The following CPEB3 variants were observed in gnomAD, a reference collection of about 807,000 sequenced individuals.
CPEB3 encodes cytoplasmic polyadenylation element binding protein 3, also known as cytoplasmic polyadenylation element-binding protein 3.
CPEB3 carries 20 observed loss-of-function variants against 67.2 expected under a neutral mutation model. That is an observed-to-expected ratio of 0.30 (90% CI 0.21 to 0.43). The LOEUF is 0.43. Ranked by LOEUF, CPEB3 falls within the 20% of genes least tolerant of loss-of-function variation. CPEB3 has a pLI of 1.00. For synonymous variants in CPEB3, 376 were observed against 393.1 expected (o/e 0.96, Z 0.51); for missense variants, 746 against 968.6 (o/e 0.77, Z 3.05).
intron 5 of CPEB3, 67 bp downstream of exon 5, chr10:92,144,878 G>A (rs61875205): frequency 7.0e-7 from 1 of 1,432,542 alleles, no homozygotes; most frequent in Non-Finnish European, 9.7e-7. Context: ...TTGGAGAGGA[G>A]AGGCAGGGTC....
At chr10:92,189,242 T>C (rs1848842490) in intron 3 of CPEB3, among the ~76,000 whole-genome samples, 1 of 152,194 alleles carries the variant, frequency 6.6e-6, no homozygotes, top group African/African-American at 2.4e-5. Context: ...CTCCTTTAAG[T>C]GGCTTTGAAA....
chr10:92,149,871 A>G (rs1846878091), intron 4 of CPEB3, among the ~76,000 whole-genome samples: 1 of 152,248 alleles, frequency 6.6e-6, no homozygotes, highest in Non-Finnish European at 1.5e-5. Context: ...CTCAAGTTTA[A>G]GAATCACTGA....
At chr10:92,216,517 C>G in intron 2 of CPEB3, 1 of 1,612,778 alleles carries the variant, frequency 6.2e-7, no homozygotes, top group Non-Finnish European at 8.5e-7. Flanking sequence ...AGATTCGGCG[C>G]GGGGTGAAAG....
At chr10:92,075,203 G>T (rs1405580854) in intron 9 of CPEB3, among the ~76,000 whole-genome samples, 4 of 152,096 alleles carry the variant, frequency 2.6e-5, no homozygotes, top group Admixed American at 1.3e-4. Flanking sequence ...GTAATAGCAG[G>T]GTTCAGAAGT....
At chr10:92,053,763 G>T (rs556795663) in intron 9 of CPEB3, among the ~76,000 whole-genome samples, 9 of 152,020 alleles carry the variant, frequency 5.9e-5, no homozygotes, top group African/African-American at 2.2e-4. Flanking sequence ...GGATGGTCTC[G>T]ATCCCCTGAC....
intron 4 of CPEB3, among the ~76,000 whole-genome samples, chr10:92,156,493 GA>G (rs1847216169): frequency 6.6e-6 from 1 of 152,130 alleles, no homozygotes; most frequent in Non-Finnish European, 1.5e-5. Context: ...GAGAAAACTA[GA>G]GGGAAAATCT....
intron 2 of CPEB3, among the ~76,000 whole-genome samples, chr10:92,235,061 A>G (rs965799464): frequency 6.6e-6 from 1 of 152,246 alleles, no homozygotes; most frequent in East Asian, 1.9e-4. Flanking sequence ...GCCCATAGGT[A>G]AATGCTGGAT....
At chr10:92,077,866 A>G (rs1564759365) in intron 9 of CPEB3, among the ~76,000 whole-genome samples, 1 of 152,084 alleles carries the variant, frequency 6.6e-6, no homozygotes. Context: ...GGTCAGGGCA[A>G]ACGAAGAAGA....
intron 1 of CPEB3, among the ~76,000 whole-genome samples, chr10:92,253,504 T>G (rs1367688747): frequency 7.4e-6 from 1 of 135,038 alleles, no homozygotes; most frequent in South Asian, 2.4e-4. Context: ...GAAAAGAAAA[T>G]TCAGAAAACT....
chr10:92,106,226 C>T (rs893991546), intron 7 of CPEB3, among the ~76,000 whole-genome samples: 1 of 150,998 alleles, frequency 6.6e-6, no homozygotes, highest in African/African-American at 2.4e-5. Flanking sequence ...ATACTATTAA[C>T]CTTTTTTTTT....
chr10:92,053,299 C>G (rs1453454868), intron 9 of CPEB3, among the ~76,000 whole-genome samples: 3 of 152,138 alleles, frequency 2.0e-5, no homozygotes, highest in African/African-American at 7.2e-5. Flanking sequence ...AAAGTTACCA[C>G]GTTCTCACCC....
chr10:92,264,474 C>G (rs1852951762), intron 1 of CPEB3, among the ~76,000 whole-genome samples: 3 of 152,206 alleles, frequency 2.0e-5, no homozygotes, highest in African/African-American at 7.2e-5. Flanking sequence ...GGAATAACAT[C>G]AGTGTCTACA....
intron 6 of CPEB3, among the ~76,000 whole-genome samples, chr10:92,114,787 A>G (rs976075883): frequency 6.6e-6 from 1 of 152,222 alleles, no homozygotes; most frequent in African/African-American, 2.4e-5. Flanking sequence ...TTCTCTGTCA[A>G]ATGAAGAAAC....
intron 6 of CPEB3, among the ~76,000 whole-genome samples, chr10:92,114,578 T>C (rs766399): frequency 0.39 from 59,536 of 152,098 alleles, 12,459 homozygotes; most frequent in African/African-American, 0.54. Flanking sequence ...AGATTTACTA[T>C]GCACCAGACA....
chr10:92,134,278 A>G (rs1845982923), intron 6 of CPEB3, among the ~76,000 whole-genome samples: 1 of 152,190 alleles, frequency 6.6e-6, no homozygotes, highest in South Asian at 2.1e-4. Context: ...CCATCATCTC[A>G]GCCCAAAATC....
intron 9 of CPEB3, among the ~76,000 whole-genome samples, chr10:92,067,072 TAATA>T (rs1383138518): frequency 2.7e-5 from 4 of 150,600 alleles, no homozygotes; most frequent in Non-Finnish European, 4.4e-5. Context: ...AAAATAAAAA[TAATA>T]AATAAATTTA....
At chr10:92,290,418 G>A (rs754875475) in intron 1 of CPEB3, among the ~76,000 whole-genome samples, 4 of 151,938 alleles carry the variant, frequency 2.6e-5, no homozygotes, top group African/African-American at 4.8e-5. Context: ...ACCAGCAGCA[G>A]AGAGAGAAAC....
chr10:92,127,746 A>G (rs1363865231), intron 6 of CPEB3, among the ~76,000 whole-genome samples: 1 of 152,196 alleles, frequency 6.6e-6, no homozygotes, highest in Non-Finnish European at 1.5e-5. Context: ...AAGGCCCCCC[A>G]GAGGCCTCAG....
Position 92,175,101 on chromosome 10 carries a change from TC to T in CPEB3, c.1222+5861del, listed in dbSNP as rs547086074. Among the ~76,000 whole-genome samples the T allele has an allele frequency of 2.1e-3, 314 of 152,082 alleles. 1 individual carries two copies. The highest frequency in any genetic ancestry group is 7.2e-3 in the African/African-American group (297 of 41,498). ...AGATGCCATCATTACACATGACTTC[TC>T]CAAGATCTAAGCCCTCAATTTTGTC... On this transcript the variant is annotated intron_variant, in intron 4 of 9. Transcript: ENST00000265997.
Sources: gnomAD v4.1 joint callset for allele counts (sites outside exome capture counted in the v4.1 genomes callset) on GRCh38, gnomAD v4.1.1 for gene constraint, MANE v1.5 for transcripts, NCBI Gene and HGNC (gene_info 2026-07-23, HGNC 2026-07-21) for gene names.